LINGO1: variants seen among roughly 807,000 people sequenced by gnomAD.
The protein encoded by LINGO1 is leucine-rich repeat and immunoglobulin-like domain-containing nogo receptor-interacting protein 1.
Under a neutral mutation model 37.3 loss-of-function variants are expected in LINGO1, and 11 were observed. That is an observed-to-expected ratio of 0.29 (90% CI 0.19 to 0.49). The LOEUF (loss-of-function observed/expected upper bound fraction) is 0.49, where lower values mean the gene tolerates loss of function less well. Ranked by LOEUF, LINGO1 falls within the 20% of genes least tolerant of loss-of-function variation. The pLI is 0.99. For synonymous variants in LINGO1, 387 were observed against 403.0 expected, an observed-to-expected ratio of 0.96 and a Z score of 0.48; for missense variants, 585 against 878.2, an observed-to-expected ratio of 0.67 and a Z score of 4.22.
chr15:77,793,342 C>T (rs573408616), intron 2 of LINGO1, among the ~76,000 whole-genome samples: 2 of 152,278 alleles, frequency 1.3e-5, no homozygotes, highest in South Asian at 2.1e-4. Context: ...ACTGGAGCAC[C>T]GAGGGAGGGA....
chr15:77,712,981 G>T (rs781202022), intron 2 of LINGO1, among the ~76,000 whole-genome samples: 2 of 152,006 alleles, frequency 1.3e-5, no homozygotes, highest in Non-Finnish European at 2.9e-5. Context: ...TTGTGTTCTG[G>T]TATCTGCCAT....
chr15:77,693,214 T>C (rs1453255963), intron 1 of LINGO1, among the ~76,000 whole-genome samples: 3 of 152,226 alleles, frequency 2.0e-5, no homozygotes, highest in Non-Finnish European at 4.4e-5. Flanking sequence ...GCACTTACTA[T>C]ATACTAGGTA....
At chr15:77,675,398 T>G (rs1053659142) in intron 3 of LINGO1, among the ~76,000 whole-genome samples, 1 of 152,142 alleles carries the variant, frequency 6.6e-6, no homozygotes, top group African/African-American at 2.4e-5. Flanking sequence ...CCAACAGGAT[T>G]AATAATTGAT....
At chr15:77,776,488 A>AGGAAGGGAGGAAG (rs1567577582) in intron 1 of LINGO1, among the ~76,000 whole-genome samples, 9 of 90,636 alleles carry the variant, frequency 9.9e-5, no homozygotes, top group African/African-American at 3.5e-4. Context: ...AAGGCAGGAA[A>AGGAAGGGAGGAAG]GCAGGAAGGC....
chr15:77,632,207 G>T lies in LINGO1; in HGVS notation c.6+103C>A. The T allele has an allele frequency of 8.4e-7, 1 of 1,193,080 alleles. No homozygotes were observed. 73.9% of individuals were successfully genotyped at this position (1,193,080 alleles called of 1,614,324 possible). ...AAGGAGGTCTGGGTGGCACCGAGGT[G>T]CCCTGCAACCCCAGGAGGGCGCAGC... On this transcript the variant is annotated intron_variant, in intron 1 of 1. Coordinates refer to ENST00000355300, the MANE Select transcript of LINGO1 (RefSeq NM_032808.7). This position sits in a 1 kb window ranked among gnomAD's most constrained non-coding sequence, Gnocchi z 6.0.
intron 1 of LINGO1, 76 bp from the exon 2 acceptor site, chr15:77,615,976 C>G: frequency 9.2e-7 from 1 of 1,081,804 alleles, no homozygotes; most frequent in South Asian, 1.8e-5. Context: ...CCCAAGCCAC[C>G]TGGGCCCCTC....
intron 1 of LINGO1, among the ~76,000 whole-genome samples, chr15:77,806,008 T>A (rs757982038): frequency 6.6e-6 from 1 of 151,726 alleles, no homozygotes; most frequent in Non-Finnish European, 1.5e-5. Context: ...TTGGCGGGAG[T>A]GGGGAGCTAA....
intron 2 of LINGO1, among the ~76,000 whole-genome samples, chr15:77,721,767 G>A (rs2076052347): frequency 6.6e-6 from 1 of 152,036 alleles, no homozygotes; most frequent in African/African-American, 2.4e-5. Context: ...ACCAGGCTTG[G>A]GGCAGCTCTC....
chr15:77,726,482 G>A (rs986106415), intron 2 of LINGO1, among the ~76,000 whole-genome samples: 15 of 152,236 alleles, frequency 9.9e-5, no homozygotes, highest in African/African-American at 1.4e-4. Context: ...TCAAGACCCT[G>A]CACAAGAAAG....
chr15:77,802,280 TG>T (rs1172698090), intron 1 of LINGO1, among the ~76,000 whole-genome samples: 1 of 151,340 alleles, frequency 6.6e-6, no homozygotes, highest in Non-Finnish European at 1.5e-5. Flanking sequence ...TCAGTGTGTG[TG>T]TATGTGTGTT....
At chr15:77,781,069 A>C (rs575689008) in intron 1 of LINGO1, among the ~76,000 whole-genome samples, 1 of 152,380 alleles carries the variant, frequency 6.6e-6, no homozygotes, top group Non-Finnish European at 1.5e-5. Flanking sequence ...GACCTGGCCA[A>C]GGCCCATCCT....
At chr15:77,688,997 G>A (rs1463755814) in intron 2 of LINGO1, among the ~76,000 whole-genome samples, 1 of 152,222 alleles carries the variant, frequency 6.6e-6, no homozygotes, top group Non-Finnish European at 1.5e-5. Flanking sequence ...GGAGCTGGAA[G>A]ATGGACTAAT....
chr15:77,699,954 G>C (rs1350988391), upstream of LINGO1, among the ~76,000 whole-genome samples: 2 of 152,226 alleles, frequency 1.3e-5, no homozygotes, highest in Non-Finnish European at 2.9e-5. Flanking sequence ...AAGGGGCTGA[G>C]AGGAAGGAGG....
intron 3 of LINGO1, chr15:77,667,810 C>T (rs1432094220): frequency 6.6e-6 from 1 of 152,136 alleles, no homozygotes; most frequent in East Asian, 1.9e-4. Flanking sequence ...CTCTCCAGGA[C>T]GAAGATGAGT....
At chr15:77,692,607 C>G (rs1308261405) in intron 1 of LINGO1, among the ~76,000 whole-genome samples, 1 of 152,206 alleles carries the variant, frequency 6.6e-6, no homozygotes, top group East Asian at 1.9e-4. Context: ...ATGTAATACA[C>G]CTCCCAGCAG....
intron 1 of LINGO1, among the ~76,000 whole-genome samples, chr15:77,802,281 G>A (rs2076926047): frequency 6.6e-6 from 1 of 152,038 alleles, no homozygotes; most frequent in South Asian, 2.1e-4. Flanking sequence ...CAGTGTGTGT[G>A]TATGTGTGTT....
rs537956994 is a variant in LINGO1, at chr15:77,771,620, C to T, written c.-257+15249G>A. Among the ~76,000 whole-genome samples the T allele has an allele frequency of 5.6e-4, 86 of 152,334 alleles. 1 individual carries two copies. Among genetic ancestry groups the T allele is most frequent in the African/African-American group, 2.0e-3 (84 of 41,574 alleles). Reference sequence around the variant, plus strand: ...GGCCTCCAAGACCCCCACCAAGTTCCGTAGATAAGTCAGTGCTCATGGGCA... The same window carrying T: ...GGCCTCCAAGACCCCCACCAAGTTCTGTAGATAAGTCAGTGCTCATGGGCA... On this transcript the variant is annotated intron_variant, in intron 1 of 3. Coordinates refer to the LINGO1 transcript ENST00000561686.
At chr15:77,664,170 T>TGTGTGTGTGTGTGTGTGCGCGCGCGCGC in intron 3 of LINGO1, among the ~76,000 whole-genome samples, 13 of 130,942 alleles carry the variant, frequency 9.9e-5, no homozygotes, top group African/African-American at 4.8e-4. Context: ...TGTGTGTGTG[T>TGTGTGTGTGTGTGTGTGCGCGCGCGCGC]GCGCGCGCGC....
At chr15:77,757,791 G>A (rs937941864) in intron 1 of LINGO1, among the ~76,000 whole-genome samples, 2 of 152,188 alleles carry the variant, frequency 1.3e-5, no homozygotes, top group African/African-American at 2.4e-5. Context: ...AGGGCTGGCT[G>A]GAATGCCCCA....
Sources: gnomAD v4.1 joint callset for allele counts (sites outside exome capture counted in the v4.1 genomes callset) on GRCh38, gnomAD v4.1.1 for gene constraint, Gnocchi (gnomAD v3.1) non-coding constraint, MANE v1.5 for transcripts, NCBI Gene and HGNC (gene_info 2026-07-23, HGNC 2026-07-21) for gene names.